EYS: variants seen among roughly 807,000 people sequenced by gnomAD.
EYS encodes the protein EGF-like photoreceptor maintenance factor, also known as protein eyes shut homolog.
A neutral mutation model predicts 282.1 loss-of-function variants in EYS; 250 were observed. That is an observed-to-expected ratio of 0.89 (90% CI 0.80 to 0.98). The LOEUF (loss-of-function observed/expected upper bound fraction) is 0.98. Among genes scored for constraint, EYS ranks in the 50% least tolerant of loss-of-function variants. The probability of loss-of-function intolerance (pLI) is 0.00; values close to 1 mark genes in which losing one functional copy is unlikely to be tolerated. For missense variants in EYS, 4,016 were observed against 3,709.0 expected (o/e 1.08, Z -2.15); for synonymous variants, 1,355 against 1,282.9 (o/e 1.06, Z -1.20).
chr6:64,307,973 G>GA (rs1241230800), intron 29 of EYS, among the ~76,000 whole-genome samples: 2 of 151,970 alleles, frequency 1.3e-5, no homozygotes, highest in African/African-American at 2.4e-5. Context: ...AATACTTAAA[G>GA]AAAAAATTAC....
intron 35 of EYS, among the ~76,000 whole-genome samples, chr6:63,933,197 T>C (rs887104495): frequency 6.6e-6 from 1 of 152,122 alleles, no homozygotes; most frequent in African/African-American, 2.4e-5. Context: ...TGAATCCTGT[T>C]CTTTTGGTTT....
rs58326040 is a variant in EYS at position 65,506,460 on chromosome 6, C to CTTTTTTTTTTTTTTTTT, written c.-332-10484_-332-10468dup. Among the ~76,000 whole-genome samples, 32 of 64,892 alleles carry CTTTTTTTTTTTTTTTTT rather than the reference C, an allele frequency of 4.9e-4. 4 individuals are homozygous for CTTTTTTTTTTTTTTTTT. The highest frequency in any genetic ancestry group is 7.0e-4 in the Non-Finnish European group (25 of 35,808). 42.6% of individuals were successfully genotyped at this position (64,892 alleles called of 152,430 possible). ...GGTTTACAATATCCTTCCTTCCTTT[C>CTTTTTTTTTTTTTTTTT]TTTTTTTTTTTTTTTTTTTTTTTTT... On this transcript the variant is annotated intron_variant, in intron 2 of 42. Transcript: ENST00000503581.
At chr6:65,065,948 A>G (rs1018363865) in intron 12 of EYS, among the ~76,000 whole-genome samples, 4 of 152,232 alleles carry the variant, frequency 2.6e-5, no homozygotes, top group Admixed American at 6.5e-5. Context: ...ATTTACAGAT[A>G]TCTACAACTG....
At chr6:65,325,979 A>G (rs944899116) in intron 11 of EYS, among the ~76,000 whole-genome samples, 5 of 152,084 alleles carry the variant, frequency 3.3e-5, no homozygotes, top group African/African-American at 9.7e-5. Flanking sequence ...TATTTATTCT[A>G]TAGCTTCCTC....
At chr6:64,604,219 T>G (rs534805506) in intron 24 of EYS, among the ~76,000 whole-genome samples, 1 of 152,170 alleles carries the variant, frequency 6.6e-6, no homozygotes, top group Admixed American at 6.6e-5. Flanking sequence ...CACAATATCC[T>G]GTCATGAAAG....
At chr6:65,080,884 T>A (rs1286270149) in intron 12 of EYS, among the ~76,000 whole-genome samples, 1 of 152,132 alleles carries the variant, frequency 6.6e-6, no homozygotes, top group Non-Finnish European at 1.5e-5. Context: ...GTCCCTCTTA[T>A]GTTATTTGAA....
intron 12 of EYS, among the ~76,000 whole-genome samples, chr6:65,193,124 C>T (rs530096908): frequency 3.3e-5 from 5 of 151,960 alleles, no homozygotes; most frequent in Admixed American, 2.6e-4. Flanking sequence ...GAATTGATCT[C>T]ATGGGGGTAG....
intron 5 of EYS, among the ~76,000 whole-genome samples, chr6:65,470,846 A>T (rs1765182366): frequency 6.6e-6 from 1 of 152,110 alleles, no homozygotes; most frequent in South Asian, 2.1e-4. Context: ...GGATGTGGAT[A>T]TAGTGTTTAG....
chr6:65,190,223 A>G (rs549392546), intron 12 of EYS, among the ~76,000 whole-genome samples: 3 of 149,228 alleles, frequency 2.0e-5, no homozygotes, highest in Non-Finnish European at 3.0e-5. Flanking sequence ...ATATATAAAT[A>G]TGTTTATATT....
intron 35 of EYS, among the ~76,000 whole-genome samples, chr6:63,893,817 G>A (rs975225936): frequency 3.9e-5 from 6 of 152,138 alleles, no homozygotes; most frequent in African/African-American, 1.2e-4. Context: ...ATGTTTTTAT[G>A]CCCTACTCAG....
intron 29 of EYS, among the ~76,000 whole-genome samples, chr6:64,333,013 C>G (rs1030064844): frequency 2.6e-5 from 4 of 152,136 alleles, no homozygotes; most frequent in Non-Finnish European, 5.9e-5. Flanking sequence ...TGACTGTCAT[C>G]ACTGTATAGT....
At chr6:63,891,352 A>G (rs1370540272) in intron 35 of EYS, among the ~76,000 whole-genome samples, 1 of 152,186 alleles carries the variant, frequency 6.6e-6, no homozygotes, top group Admixed American at 6.5e-5. Flanking sequence ...ATACTAGCAA[A>G]CTAAATCCAG....
chr6:65,309,885 T>C (rs1484161609), intron 11 of EYS, among the ~76,000 whole-genome samples: 3 of 152,202 alleles, frequency 2.0e-5, no homozygotes, highest in South Asian at 2.1e-4. Flanking sequence ...CCAACATCTA[T>C]TGCCTAGACA....
intron 11 of EYS, among the ~76,000 whole-genome samples, chr6:65,318,026 C>T (rs1447203317): frequency 1.3e-5 from 2 of 149,722 alleles, no homozygotes; most frequent in African/African-American, 5.0e-5. Flanking sequence ...CGCCACCACG[C>T]CCAGCTAATT....
At chr6:64,531,043 A>G (rs1276749613) in intron 26 of EYS, among the ~76,000 whole-genome samples, 1 of 152,206 alleles carries the variant, frequency 6.6e-6, no homozygotes, top group Non-Finnish European at 1.5e-5. Flanking sequence ...GGCAATTTCA[A>G]AAGAAATTGA....
At chr6:65,506,983 A>T (rs185920947) in intron 2 of EYS, among the ~76,000 whole-genome samples, 2 of 152,266 alleles carry the variant, frequency 1.3e-5, no homozygotes, top group African/African-American at 4.8e-5. Flanking sequence ...TATAACTATT[A>T]ATAAGGAAAA....
At chr6:63,924,503 C>T (rs950283588) in intron 35 of EYS, among the ~76,000 whole-genome samples, 4 of 152,172 alleles carry the variant, frequency 2.6e-5, no homozygotes, top group African/African-American at 7.2e-5. Context: ...TTGTGAAACA[C>T]CTGGTAGTCA....
At chr6:64,089,290 AT>A (rs933692124) in intron 31 of EYS, among the ~76,000 whole-genome samples, 3 of 151,316 alleles carry the variant, frequency 2.0e-5, no homozygotes, top group African/African-American at 7.3e-5. Flanking sequence ...CATTAAAAAA[AT>A]AAGTCTAACC....
At chr6:64,672,562 C>T (rs1372418591) in intron 22 of EYS, among the ~76,000 whole-genome samples, 2 of 152,142 alleles carry the variant, frequency 1.3e-5, no homozygotes, top group African/African-American at 4.8e-5. Flanking sequence ...TATTGTATTG[C>T]TCACATACTA....
Sources: allele counts gnomAD v4.1 joint callset (sites outside exome capture counted in the v4.1 genomes callset), GRCh38; gene constraint gnomAD v4.1.1; transcripts MANE v1.5; gene names NCBI Gene and HGNC (gene_info 2026-07-23, HGNC 2026-07-21).